Variants in SWT1 observed in about 807,000 individuals in gnomAD.
The protein encoded by SWT1 is transcriptional protein SWT1.
A neutral mutation model predicts 107.3 loss-of-function variants in SWT1; 33 were observed. The observed-to-expected ratio is 0.31, with a 90% CI of 0.23 to 0.41. The LOEUF (loss-of-function observed/expected upper bound fraction) is 0.41, where lower values mean the gene tolerates loss of function less well. Among genes scored for constraint, SWT1 ranks in the 10% least tolerant of loss-of-function variants. The pLI is 1.00. For missense variants in SWT1, 898 were observed against 1,028.9 expected, an observed-to-expected ratio of 0.87 and a Z score of 1.74; for synonymous variants, 345 against 348.3, an observed-to-expected ratio of 0.99 and a Z score of 0.11.
intron 14 of SWT1, among the ~76,000 whole-genome samples, chr1:185,218,829 TTCTCTC>T (rs1168062342): frequency 6.6e-6 from 1 of 152,214 alleles, no homozygotes; most frequent in Non-Finnish European, 1.5e-5. Context: ...TGGACCTTAA[TTCTCTC>T]TTTTGTAAAA....
intron 18 of SWT1, among the ~76,000 whole-genome samples, chr1:185,286,389 A>G (rs1239420254): frequency 6.6e-6 from 1 of 151,860 alleles, no homozygotes; most frequent in Non-Finnish European, 1.5e-5. Context: ...AGGCCCGGCT[A>G]ATTTTTGTAT....
At chr1:185,159,809 C>G (rs113433134) in intron 1 of SWT1, among the ~76,000 whole-genome samples, 12,931 of 152,166 alleles carry the variant, frequency 0.085, 688 homozygotes, top group African/African-American at 0.15. Context: ...ACTACAACCT[C>G]TGCCTCCCAG....
At chr1:185,222,362 A>C (rs1659721386) in intron 15 of SWT1, among the ~76,000 whole-genome samples, 1 of 152,116 alleles carries the variant, frequency 6.6e-6, no homozygotes, top group Non-Finnish European at 1.5e-5. Context: ...ATTATTGGAC[A>C]CTTAGGTTGA....
intron 2 of SWT1, among the ~76,000 whole-genome samples, chr1:185,161,759 G>A (rs1022276409): frequency 6.6e-6 from 1 of 152,106 alleles, no homozygotes; most frequent in Non-Finnish European, 1.5e-5. Context: ...CTCATTAATT[G>A]AGCTGGGTAT....
Position 185,160,939 on chromosome 1 carries a change from T to C in SWT1, c.84+14T>C, listed in dbSNP as rs1654092340. 1.3e-6 allele frequency: 2 copies of C among 1,575,112 alleles called. No individual in the cohort carries two copies. The highest frequency in any genetic ancestry group is 1.1e-5 in the South Asian group (1 of 89,064). ...TTTGGTGAAAAAGTAAGAATTTTGA[T>C]TTACTGACCTAGAGATACATTTCAA... On this transcript the variant is annotated intron_variant, in intron 2 of 18. Coordinates refer to ENST00000367500, the MANE Select transcript of SWT1 (RefSeq NM_017673.7).
At chr1:185,208,759 T>TTAA (rs1658533220) in intron 13 of SWT1, among the ~76,000 whole-genome samples, 31 of 148,894 alleles carry the variant, frequency 2.1e-4, no homozygotes, top group South Asian at 6.3e-4. Flanking sequence ...TTTTTTTTGA[T>TTAA]CTCCTAACAT....
intron 13 of SWT1, 135 bp from the exon 14 acceptor site, chr1:185,214,372 G>T: frequency 1.9e-6 from 1 of 518,964 alleles, no homozygotes; most frequent in Non-Finnish European, 3.3e-6. Flanking sequence ...GTACCAGAGG[G>T]ATAACTTAGG....
chr1:185,252,039 G>T (rs912874749), intron 16 of SWT1, among the ~76,000 whole-genome samples: 8 of 151,618 alleles, frequency 5.3e-5, no homozygotes, highest in Admixed American at 5.3e-4. Context: ...GTGAGAATAT[G>T]CGGTGTTTGG....
At chr1:185,178,038 T>A (rs1399054300) in intron 5 of SWT1, among the ~76,000 whole-genome samples, 1 of 152,180 alleles carries the variant, frequency 6.6e-6, no homozygotes, top group Non-Finnish European at 1.5e-5. Context: ...AAAATATGAT[T>A]GTACTATAGT....
intron 3 of SWT1, among the ~76,000 whole-genome samples, chr1:185,167,493 T>C (rs921942373): frequency 6.6e-6 from 1 of 152,242 alleles, no homozygotes; most frequent in African/African-American, 2.4e-5. Context: ...TGCAGAATTA[T>C]GTTTTAAGAA....
At chr1:185,227,004 G>GT (rs1660121060) in intron 15 of SWT1, 1 of 883,336 alleles carries the variant, frequency 1.1e-6, no homozygotes, top group African/African-American at 1.6e-5. Context: ...CATGTCTGGA[G>GT]TTATGCTGTT....
chr1:185,183,076 G>T (rs1656162025), intron 7 of SWT1, among the ~76,000 whole-genome samples: 1 of 151,192 alleles, frequency 6.6e-6, no homozygotes, highest in Admixed American at 6.6e-5. Flanking sequence ...AGCAGAGGTT[G>T]CAGTGAGCCA....
chr1:185,202,461 A>G (rs1470588809), intron 10 of SWT1, among the ~76,000 whole-genome samples, 193 bp from the exon 11 acceptor site: 4 of 152,044 alleles, frequency 2.6e-5, no homozygotes, highest in African/African-American at 4.8e-5. Context: ...AGATTTATAT[A>G]TATATATATA....
At chr1:185,288,660 T>G (rs906010759) in intron 18 of SWT1, among the ~76,000 whole-genome samples, 9 of 152,214 alleles carry the variant, frequency 5.9e-5, no homozygotes, top group African/African-American at 2.2e-4. Context: ...ACTGTTAAAA[T>G]AAAAATGACT....
At chr1:185,164,700 A>G (rs1475125804) in intron 2 of SWT1, among the ~76,000 whole-genome samples, 2 of 152,186 alleles carry the variant, frequency 1.3e-5, no homozygotes, top group African/African-American at 2.4e-5. Flanking sequence ...GTGAGCCTTC[A>G]TAGAATTGAA....
At chr1:185,217,313 G>T (rs1335133087) in intron 14 of SWT1, among the ~76,000 whole-genome samples, 5 of 152,252 alleles carry the variant, frequency 3.3e-5, no homozygotes, top group African/African-American at 1.2e-4. Context: ...GAGCAAGCAA[G>T]CAAAACTTAA....
chr1:185,276,435 G>C (rs1664244057), intron 17 of SWT1, among the ~76,000 whole-genome samples, 169 bp from the exon 18 acceptor site: 1 of 152,076 alleles, frequency 6.6e-6, no homozygotes, highest in Admixed American at 6.6e-5. Context: ...TTTGCATACA[G>C]TTCCATGTTA....
At chr1:185,228,526 A>G (rs550507890) in intron 15 of SWT1, among the ~76,000 whole-genome samples, 37 of 152,250 alleles carry the variant, frequency 2.4e-4, no homozygotes, top group African/African-American at 8.2e-4. Flanking sequence ...TGTCTCAAAA[A>G]AAGATACATT....
chr1:185,223,593 A>G (rs560116447), intron 15 of SWT1, among the ~76,000 whole-genome samples: 2 of 152,152 alleles, frequency 1.3e-5, no homozygotes, highest in South Asian at 2.1e-4. Context: ...TTTTTTATAT[A>G]CCTGGTGGCC....
Sources: gnomAD v4.1 joint callset for allele counts (sites outside exome capture counted in the v4.1 genomes callset) on GRCh38, gnomAD v4.1.1 for gene constraint, MANE v1.5 for transcripts, NCBI Gene and HGNC (gene_info 2026-07-23, HGNC 2026-07-21) for gene names.